HK1: variants seen among roughly 807,000 people sequenced by gnomAD.
The protein encoded by HK1 is hexokinase 1, also known as hexokinase-1.
A neutral mutation model predicts 91.6 loss-of-function variants in HK1; 28 were observed. The observed-to-expected ratio is 0.31, with a 90% CI of 0.23 to 0.42. The LOEUF is 0.42. Ranked by LOEUF, HK1 falls within the 10% of genes least tolerant of loss-of-function variation. The probability of loss-of-function intolerance (pLI) is 1.00; values close to 1 mark genes in which losing one functional copy is unlikely to be tolerated. For synonymous variants in HK1, 430 were observed against 468.1 expected, an observed-to-expected ratio of 0.92 and a Z score of 1.05; for missense variants, 770 against 1,219.8, an observed-to-expected ratio of 0.63 and a Z score of 5.49.
chr10:69,367,430 G>A (rs953865602), intron 4 of HK1, among the ~76,000 whole-genome samples: 1 of 152,232 alleles, frequency 6.6e-6, no homozygotes, highest in Non-Finnish European at 1.5e-5. Context: ...CAGACAGTAT[G>A]AAGTGGGACC....
chr10:69,345,331 G>C (rs1277365186), intron 2 of HK1, among the ~76,000 whole-genome samples: 1 of 152,176 alleles, frequency 6.6e-6, no homozygotes, highest in Non-Finnish European at 1.5e-5. Context: ...CTACTGAAGA[G>C]ATTCTGGCCA....
chr10:69,386,228 C>T (rs537023439), intron 12 of HK1, 95 bp from the exon 13 acceptor site: 4 of 912,820 alleles, frequency 4.4e-6, no homozygotes, highest in Non-Finnish European at 7.2e-6. Flanking sequence ...TGTAAGCCCT[C>T]AGCAGTTGTT....
At chr10:69,365,732 G>A (rs921313811) in intron 4 of HK1, among the ~76,000 whole-genome samples, 7 of 152,208 alleles carry the variant, frequency 4.6e-5, no homozygotes, top group East Asian at 1.9e-4. Context: ...ACATGTGCCT[G>A]TAGTCCCAGT....
At position 69,368,789 on chromosome 10, in the gene HK1, A is replaced by G. The variant is rs12359036; in HGVS notation, c.591+158A>G. Reference sequence around the variant, plus strand: ...GGGCTCACAGTGTGGAATGATGAGGATGGGGATGGTGCAAAGCCCAGCTCT... The same window carrying G: ...GGGCTCACAGTGTGGAATGATGAGGGTGGGGATGGTGCAAAGCCCAGCTCT... On this transcript the variant is annotated intron_variant, in intron 5 of 17. Coordinates refer to ENST00000359426, the MANE Select transcript of HK1 (RefSeq NM_000188.3). Among the ~76,000 whole-genome samples, 26,941 of 151,590 alleles carry G rather than the reference A, an allele frequency of 0.18. 2,836 individuals are homozygous for G. The highest frequency in any genetic ancestry group is 0.24 in the Non-Finnish European group (16,155 of 67,794).
At chr10:69,334,889 G>GGGTGGGGC (rs1847901306) in intron 1 of HK1, among the ~76,000 whole-genome samples, 1 of 152,180 alleles carries the variant, frequency 6.6e-6, no homozygotes, top group African/African-American at 2.4e-5. Flanking sequence ...GGACGGTGTG[G>GGGTGGGGC]GGTGGGGCGG....
rs758923320 is a variant in HK1, at chr10:69,362,863, G to A, written c.376-1920G>A. Among the ~76,000 whole-genome samples, 62 of 152,242 alleles carry A rather than the reference G, an allele frequency of 4.1e-4. 1 individual carries two copies. Among genetic ancestry groups the A allele is most frequent in the Admixed American group, 2.0e-4 (3 of 15,288 alleles). On this transcript the variant is annotated intron_variant, in intron 3 of 17. Transcript: ENST00000359426. ...AGCCGGCTTCTCTGGGGAGGGTCATGTGTCAACTCAGCCTAAGATGCCAGC... is the reference window on the plus strand; with the variant it reads ...AGCCGGCTTCTCTGGGGAGGGTCATATGTCAACTCAGCCTAAGATGCCAGC...
intron 5 of HK1, among the ~76,000 whole-genome samples, chr10:69,307,709 A>G (rs1846168995): frequency 6.6e-6 from 1 of 152,244 alleles, no homozygotes; most frequent in Non-Finnish European, 1.5e-5. Flanking sequence ...CAATCAGTCA[A>G]TAAATAAGTA....
At chr10:69,364,100 G>A (rs1564543305) in intron 3 of HK1, among the ~76,000 whole-genome samples, 1 of 152,226 alleles carries the variant, frequency 6.6e-6, no homozygotes, top group East Asian at 1.9e-4. Context: ...GTGGCTGGCA[G>A]TTGCCCTTGG....
At chr10:69,294,954 G>A (rs570504144) in intron 3 of HK1, among the ~76,000 whole-genome samples, 19 of 151,418 alleles carry the variant, frequency 1.3e-4, no homozygotes, top group South Asian at 1.0e-3. Context: ...GCTTGAGCCC[G>A]GGAGGTCGAG....
At chr10:69,389,389 A>G in intron 14 of HK1, 93 bp downstream of exon 14, 1 of 586,486 alleles carries the variant, frequency 1.7e-6, no homozygotes, top group Middle Eastern at 3.0e-4. Flanking sequence ...GGTCCTCTGT[A>G]TGGGGTAGTC....
Position 69,369,167 on chromosome 10 carries a change from G to A in HK1, c.592-70G>A, listed in dbSNP as rs1403703035. ...CTGAAAACGGGAGCACTTCTGCCAA[G>A]CGCTGTTAAGGTGTGTGATCTCTGC... On this transcript the variant is annotated intron_variant, in intron 5 of 17. Transcript: ENST00000359426. The surrounding 1 kb of genome is among the most constrained non-coding windows in gnomAD (Gnocchi z 4.4). 4.3e-6 allele frequency: 5 copies of A among 1,168,228 alleles called. No individual in the cohort carries two copies. The African/African-American group carries it at 6.0e-5, about 14-fold the overall frequency. The allele number at this position is 1,168,228 out of a possible 1,614,324, so 72.4% of individuals were successfully genotyped here.
intron 3 of HK1, among the ~76,000 whole-genome samples, chr10:69,363,172 T>C (rs1849522979): frequency 2.0e-5 from 3 of 152,158 alleles, no homozygotes; most frequent in Admixed American, 2.0e-4. Flanking sequence ...AAAAGCTCCA[T>C]GGCTGTGTCA....
chr10:69,359,833 G>T (rs560667230), intron 2 of HK1, 64 bp from the exon 3 acceptor site: 19 of 1,503,784 alleles, frequency 1.3e-5, no homozygotes, highest in African/African-American at 1.1e-4. Context: ...CAGGAAGCGG[G>T]CATGGTATGT....
At chr10:69,381,598 G>A (rs923455311) in intron 9 of HK1, among the ~76,000 whole-genome samples, 30 of 149,112 alleles carry the variant, frequency 2.0e-4, no homozygotes, top group African/African-American at 7.5e-4. Context: ...GCCCAGGCTG[G>A]AGTGGAGCGG....
At position 69,361,086 on chromosome 10, in the gene HK1, G is replaced by A. The variant is rs548157624; in HGVS notation, c.375+1041G>A. The stretch of plus-strand genomic sequence containing the variant: ...TAAGTTCTTGTGGGTGGGACCTGGA[G>A]CAAGCCACCAAGCCTTTTCTTTGTC... On this transcript the variant is annotated intron_variant, in intron 3 of 17. Coordinates refer to ENST00000359426, the MANE Select transcript of HK1 (RefSeq NM_000188.3). 4.2e-4 allele frequency among the ~76,000 whole-genome samples: 64 copies of A among 152,354 alleles called. 1 individual carries two copies. In the South Asian group the frequency reaches 0.013, roughly 31 times the overall value.
intron 3 of HK1, among the ~76,000 whole-genome samples, chr10:69,364,481 C>T (rs1384784855): frequency 2.6e-5 from 4 of 152,098 alleles, no homozygotes; most frequent in Non-Finnish European, 5.9e-5. Context: ...TATTATTTTT[C>T]CATTTTTCTC....
At chr10:69,337,037 G>C (rs538847327) in intron 1 of HK1, among the ~76,000 whole-genome samples, 4 of 152,276 alleles carry the variant, frequency 2.6e-5, no homozygotes, top group Non-Finnish European at 5.9e-5. Flanking sequence ...GACACTTGAT[G>C]CTTACTTTGT....
chr10:69,384,071 G>A (rs953681683), intron 10 of HK1, among the ~76,000 whole-genome samples: 1 of 152,228 alleles, frequency 6.6e-6, no homozygotes, highest in African/African-American at 2.4e-5. Context: ...TTTCATTGTT[G>A]CAGCCCTGGT....
upstream of HK1, among the ~76,000 whole-genome samples, chr10:69,313,851 A>G (rs774083662): frequency 3.3e-5 from 5 of 152,168 alleles, no homozygotes; most frequent in Non-Finnish European, 5.9e-5. Flanking sequence ...CAAATTTATA[A>G]AACATCAGGT....
Sources: gnomAD v4.1 joint callset for allele counts (sites outside exome capture counted in the v4.1 genomes callset) on GRCh38, gnomAD v4.1.1 for gene constraint, Gnocchi (gnomAD v3.1) non-coding constraint, MANE v1.5 for transcripts, NCBI Gene and HGNC (gene_info 2026-07-23, HGNC 2026-07-21) for gene names.